The following SHANK1 variants were observed in gnomAD, a reference collection of about 807,000 sequenced individuals.
SHANK1 encodes the protein SH3 and multiple ankyrin repeat domains protein 1.
A neutral mutation model predicts 165.6 loss-of-function variants in SHANK1; 35 were observed. That is an observed-to-expected ratio of 0.21 (90% CI 0.16 to 0.28). SHANK1 has a LOEUF of 0.28. SHANK1 is among the 10% of genes least tolerant of loss of function. The pLI is 1.00. For missense variants in SHANK1, 2,681 were observed against 3,036.4 expected (o/e 0.88, Z 2.75); for synonymous variants, 1,428 against 1,384.8 (o/e 1.03, Z -0.69).
rs779266254 is a variant in SHANK1, at chr19:50,697,362, C to G, written c.1937+227G>C. Among the ~76,000 whole-genome samples, 2 of 152,180 alleles carry G rather than the reference C, an allele frequency of 1.3e-5. No homozygotes were observed. The highest frequency in any genetic ancestry group is 1.9e-4 in the East Asian group (1 of 5,196). On this transcript the variant is annotated intron_variant, in intron 14 of 23. Transcript: ENST00000293441. This position sits in a 1 kb window ranked among gnomAD's most constrained non-coding sequence, Gnocchi z 4.7. ...CATCCCCACCCTGCCCTGACCACCC[C>G]GTTGTCTCTGGCTACCCCAGAGCTG...
rs188973816 is a variant in SHANK1 at position 50,680,936 on chromosome 19, G to A, written c.2577+5301C>T. On this transcript the variant is annotated intron_variant, in intron 21 of 23. Transcript: ENST00000293441. ...CTCCCAAAGTGCTGGGATTACAGGC[G>A]TGAGCCACCACGCCTGGCTGATAGT... 2.8e-4 allele frequency among the ~76,000 whole-genome samples: 42 copies of A among 152,304 alleles called. No individual in the cohort carries two copies. The East Asian group carries it at 5.8e-3, about 21-fold the overall frequency.
At position 50,718,026 on chromosome 19, in the gene SHANK1, G is replaced by T. The variant is rs1486779542; in HGVS notation, c.-43-1064C>A. Among the ~76,000 whole-genome samples, 1 of 152,258 alleles carries T rather than the reference G, an allele frequency of 6.6e-6. No homozygotes were observed. The highest frequency in any genetic ancestry group is 6.5e-5 in the Admixed American group (1 of 15,304). ...CCAGCACCGGAAACCAGAATGTCTG[G>T]TCTGGTCCCTCCCCCCAACACCAGG... On this transcript the variant is annotated intron_variant, in intron 1 of 23. Transcript: ENST00000293441. This position sits in a 1 kb window ranked among gnomAD's most constrained non-coding sequence, Gnocchi z 5.1.
chr19:50,699,907 T>G, intron 12 of SHANK1, among the ~76,000 whole-genome samples: 1 of 122,764 alleles, frequency 8.1e-6, no homozygotes, highest in African/African-American at 3.2e-5. Context: ...CATTGGAGGA[T>G]TGGAGGGCTC....
In SHANK1 at chr19:50,686,448, C is replaced by T. The variant is rs368340118; in HGVS notation, c.2459-93G>A. The T allele has an allele frequency of 1.5e-4, 134 of 922,380 alleles. 1 individual carries two copies. The East Asian group carries it at 2.1e-3, about 15-fold the overall frequency. 57.1% of individuals were successfully genotyped at this position (922,380 alleles called of 1,614,324 possible). ...AAGACCAGAGCTGCCGCCCGCAGTT[C>T]ATCCAGCACCTGGATCAACCAGGAA... On this transcript the variant is annotated intron_variant, in intron 20 of 23. Transcript: ENST00000293441. The surrounding 1 kb of genome is among the most constrained non-coding windows in gnomAD (Gnocchi z 5.7).
At chr19:50,703,107 CGGAATGTCCCCCGCCCCT>C (rs1474826426) in intron 11 of SHANK1, among the ~76,000 whole-genome samples, 2 of 152,030 alleles carry the variant, frequency 1.3e-5, no homozygotes, top group Admixed American at 1.3e-4. Flanking sequence ...TTCCTGACCC[CGGAATGTCCCCCGCCCCT>C]TCCTCATCCT....
rs1390638175 is a variant in SHANK1, at chr19:50,686,851, CG to C, written c.2390-40del. 1 of 1,604,762 alleles carries C rather than the reference CG, an allele frequency of 6.2e-7. No individual in the cohort carries two copies. The highest frequency in any genetic ancestry group is 1.1e-5 in the South Asian group (1 of 90,724). On this transcript the variant is annotated intron_variant, in intron 19 of 23. Transcript: ENST00000293441. This position sits in a 1 kb window ranked among gnomAD's most constrained non-coding sequence, Gnocchi z 5.7. The stretch of plus-strand genomic sequence containing the variant: ...ACACGGATGACGCCCAGGGAGCCCC[CG>C]GGGGCGGGGCGGAGCGGGCTCGGCC...
Position 50,691,415 on chromosome 19 carries a change from T to C in SHANK1, c.1965-2136A>G, listed in dbSNP as rs559453060. Among the ~76,000 whole-genome samples, 3 of 152,266 alleles carry C rather than the reference T, an allele frequency of 2.0e-5. No individual in the cohort carries two copies. In the East Asian group the frequency reaches 5.8e-4, roughly 29 times the overall value. On this transcript the variant is annotated intron_variant, in intron 15 of 23. Transcript: ENST00000293441. Reference sequence around the variant, plus strand: ...AGGCAACCTCACTTTCTTTCACTCATGCCACAAACCCCTCCCTTCCTCCAT... The same window carrying C: ...AGGCAACCTCACTTTCTTTCACTCACGCCACAAACCCCTCCCTTCCTCCAT...
intron 22 of SHANK1, among the ~76,000 whole-genome samples, chr19:50,671,790 A>G (rs949864527): frequency 6.6e-6 from 1 of 152,140 alleles, no homozygotes; most frequent in Admixed American, 6.6e-5. Context: ...GTAGAGCCAG[A>G]GGCCCAGAGA....
Position 50,688,765 on chromosome 19 carries a change from G to C in SHANK1, c.2172+79C>G. ...TGCCAAAGGAGAATAAAACTGGGCA[G>C]CCAGATCCTGGTGTGAATCATGAGG... On this transcript the variant is annotated intron_variant, in intron 17 of 23. Coordinates refer to ENST00000293441, the MANE Select transcript of SHANK1 (RefSeq NM_016148.5). This position sits in a 1 kb window ranked among gnomAD's most constrained non-coding sequence, Gnocchi z 6.7. 1.4e-6 allele frequency: 2 copies of C among 1,460,554 alleles called. No homozygotes were observed. Among genetic ancestry groups the C allele is most frequent in the East Asian group, 4.8e-5 (2 of 42,014 alleles). 90.5% of individuals were successfully genotyped at this position (1,460,554 alleles called of 1,614,324 possible). A position where few individuals can be genotyped will look rare whatever the true frequency, so the allele number is the denominator to read the frequency against.
Position 50,667,072 on chromosome 19 carries a change from C to G in SHANK1, c.4888G>C (p.Glu1630Gln). The G allele has an allele frequency of 1.3e-6, 2 of 1,553,640 alleles. No homozygotes were observed. The highest frequency in any genetic ancestry group is 8.7e-7 in the Non-Finnish European group (1 of 1,154,152). The change falls in exon 23 of 24, where the codon GAG becomes CAG. Residue 1630 changes from glutamate (E) to glutamine (Q), a missense_variant. By Grantham distance (29) the Glu-to-Gln change is conservative. Coordinates refer to ENST00000293441, the MANE Select transcript of SHANK1 (RefSeq NM_016148.5). The surrounding 1 kb of genome is among the most constrained non-coding windows in gnomAD (Gnocchi z 5.7). ...TASSLTSYDS[E>Q]VATLTQGASA... ...GCCCCCTGGGTCAGGGTGGCCACCT[C>G]GCTGTCATAGGATGTCAGGCTGGAT... is the stretch of plus-strand genomic sequence containing the variant.
chr19:50,709,440 C>T (rs2088983144), intron 8 of SHANK1, among the ~76,000 whole-genome samples: 1 of 152,178 alleles, frequency 6.6e-6, no homozygotes, highest in Non-Finnish European at 1.5e-5. Flanking sequence ...TGCGCCCGGC[C>T]TGCATGGTAG....
At position 50,704,384 on chromosome 19, in the gene SHANK1, G is replaced by C; in HGVS notation, c.1155+53C>G. The C allele has an allele frequency of 4.5e-6, 7 of 1,544,168 alleles. No individual in the cohort carries two copies. The East Asian group carries it at 6.7e-5, about 15-fold the overall frequency. The stretch of plus-strand genomic sequence containing the variant: ...CCTTCCTTATCCACTGGGTGTCACT[G>C]TCACCCTTTCCTTAGCCCTGGAAAC... On this transcript the variant is annotated intron_variant, in intron 9 of 23. Transcript: ENST00000293441.
intron 12 of SHANK1, among the ~76,000 whole-genome samples, chr19:50,700,778 A>T (rs935579170): frequency 3.3e-5 from 5 of 151,892 alleles, no homozygotes; most frequent in Non-Finnish European, 7.4e-5. Flanking sequence ...AAGGTCCTTT[A>T]CCTCTGGCCT....
In SHANK1 at chr19:50,688,099, G is replaced by A. The variant is rs762983719; in HGVS notation, c.2173-41C>T. ...CCCCAGATCACACAGAGTAGACGAG[G>A]GGAGGGGTGCTTGCAGCTTCAGAGA... On this transcript the variant is annotated intron_variant, in intron 17 of 23. Transcript: ENST00000293441. The surrounding 1 kb of genome is among the most constrained non-coding windows in gnomAD (Gnocchi z 6.7). 9.9e-6 allele frequency: 16 copies of A among 1,610,776 alleles called. No individual in the cohort carries two copies. The Admixed American group carries it at 1.3e-4, about 13-fold the overall frequency.
intron 21 of SHANK1, among the ~76,000 whole-genome samples, chr19:50,680,430 A>C (rs1234574921): frequency 6.6e-6 from 1 of 152,098 alleles, no homozygotes; most frequent in Admixed American, 6.5e-5. Flanking sequence ...GCCCTCGGGC[A>C]TCAGTGGCGG....
At position 50,703,696 on chromosome 19, in the gene SHANK1, C is replaced by T. The variant is rs747938796; in HGVS notation, c.1357G>A (p.Ala453Thr). ...GCCCCAGAGGACGCGGCCCCCGGGG[C>T]GGAGAACACCATCCAGTCGGGCAGC... ...MALPDWMVFS[A>T]PGAASSGAPG... Residue 453 changes from alanine (A) to threonine (T), a missense_variant, in exon 11 of 24, where the codon GCC becomes ACC. Transcript: ENST00000293441. 10 of 1,463,334 alleles carry T rather than the reference C, an allele frequency of 6.8e-6. No homozygotes were observed. Among genetic ancestry groups the T allele is most frequent in the East Asian group, 2.5e-5 (1 of 39,988 alleles). 90.6% of individuals were successfully genotyped at this position (1,463,334 alleles called of 1,614,324 possible).
chr19:50,672,200 G>C (rs1985819101), intron 21 of SHANK1, 86 bp from the exon 22 acceptor site: 2 of 1,090,482 alleles, frequency 1.8e-6, no homozygotes, highest in Non-Finnish European at 2.7e-6. Flanking sequence ...TCACTATACG[G>C]CTGCCCCCAT....
At chr19:50,704,547 A>G in intron 8 of SHANK1, 33 bp from the exon 9 acceptor site, 1 of 1,588,636 alleles carries the variant, frequency 6.3e-7, no homozygotes, top group Non-Finnish European at 8.6e-7. Context: ...CAGGACAAAG[A>G]GAGAGAGAAA....
chr19:50,674,206 G>A (rs1042297762), intron 21 of SHANK1, among the ~76,000 whole-genome samples: 1 of 151,620 alleles, frequency 6.6e-6, no homozygotes, highest in Non-Finnish European at 1.5e-5. Context: ...TTCCTACTGA[G>A]TCCCCGGTCC....
Sources: gnomAD v4.1 joint callset for allele counts (sites outside exome capture counted in the v4.1 genomes callset) on GRCh38, gnomAD v4.1.1 for gene constraint, Gnocchi (gnomAD v3.1) non-coding constraint, MANE v1.5 for transcripts, NCBI Gene and HGNC (gene_info 2026-07-23, HGNC 2026-07-21) for gene names.